The following IQGAP1 variants were observed in gnomAD, a reference collection of about 807,000 sequenced individuals.
The protein encoded by IQGAP1 is IQ motif containing GTPase activating protein 1, also known as ras GTPase-activating-like protein IQGAP1.
IQGAP1 carries 66 observed loss-of-function variants against 215.6 expected under a neutral mutation model. That is an observed-to-expected ratio of 0.31 (90% confidence interval 0.25 to 0.38). The LOEUF (loss-of-function observed/expected upper bound fraction) is 0.38, where lower values mean the gene tolerates loss of function less well. Among genes scored for constraint, IQGAP1 ranks in the 10% least tolerant of loss-of-function variants. The pLI is 1.00. For missense variants in IQGAP1, 1,712 were observed against 1,997.1 expected (o/e 0.86, Z 2.72); for synonymous variants, 772 against 728.7 (o/e 1.06, Z -0.96).
chr15:90,445,139 A>T (rs56337344), intron 9 of IQGAP1, among the ~76,000 whole-genome samples: 26,882 of 148,638 alleles, frequency 0.18, 2,451 homozygotes, highest in South Asian at 0.23. Context: ...TAATTAATTA[A>T]TTTTTTTTTT....
chr15:90,487,639 C>T (rs531260374), intron 33 of IQGAP1, 57 bp downstream of exon 33: 10 of 1,182,320 alleles, frequency 8.5e-6, no homozygotes, highest in Middle Eastern at 1.9e-4. Flanking sequence ...TCCCGATAGG[C>T]GCATGTCAGA....
chr15:90,423,402 T>C (rs968480565), intron 2 of IQGAP1, among the ~76,000 whole-genome samples: 1 of 152,102 alleles, frequency 6.6e-6, no homozygotes, highest in Admixed American at 6.5e-5. Flanking sequence ...CTGGCAAATT[T>C]TTGTATTTTT....
chr15:90,417,557 A>G (rs1242134227), intron 2 of IQGAP1, among the ~76,000 whole-genome samples: 1 of 152,058 alleles, frequency 6.6e-6, no homozygotes, highest in East Asian at 1.9e-4. Flanking sequence ...GTTCTGTTCC[A>G]TTGGTCTATA....
chr15:90,424,284 T>C (rs569486741), intron 2 of IQGAP1, among the ~76,000 whole-genome samples: 21 of 152,320 alleles, frequency 1.4e-4, no homozygotes, highest in Middle Eastern at 3.4e-3. Context: ...TTAGGCTGAA[T>C]AGAGGTATAG....
intron 15 of IQGAP1, among the ~76,000 whole-genome samples, chr15:90,457,095 C>T (rs1440461057): frequency 6.6e-6 from 1 of 151,658 alleles, no homozygotes; most frequent in African/African-American, 2.4e-5. Flanking sequence ...ATTGTAGAAC[C>T]CATTACCAGC....
intron 2 of IQGAP1, among the ~76,000 whole-genome samples, chr15:90,425,708 A>G (rs1965211844): frequency 6.6e-6 from 1 of 152,230 alleles, no homozygotes; most frequent in African/African-American, 2.4e-5. Context: ...CTGGAAGAGA[A>G]TGTCAGCAAC....
chr15:90,449,371 T>G (rs1965569471), intron 10 of IQGAP1, among the ~76,000 whole-genome samples, 188 bp from the exon 11 acceptor site: 1 of 152,204 alleles, frequency 6.6e-6, no homozygotes, highest in Non-Finnish European at 1.5e-5. Flanking sequence ...GTAAAGTCAC[T>G]CTACCCCAGC....
intron 26 of IQGAP1, among the ~76,000 whole-genome samples, chr15:90,479,849 C>T (rs1966032508): frequency 6.6e-6 from 1 of 151,980 alleles, no homozygotes; most frequent in South Asian, 2.1e-4. Flanking sequence ...ATTTTTTTGC[C>T]TGCATACCTG....
At chr15:90,429,371 T>C (rs1965271183) in intron 3 of IQGAP1, among the ~76,000 whole-genome samples, 1 of 152,194 alleles carries the variant, frequency 6.6e-6, no homozygotes, top group Admixed American at 6.5e-5. Flanking sequence ...CCACATGTTC[T>C]GTTGAGCACA....
rs1399048292 is a variant in IQGAP1 at position 90,477,963 on chromosome 15, A to G, written c.3329+74A>G. 5.5e-6 allele frequency: 5 copies of G among 906,952 alleles called. No individual in the cohort carries two copies. The Admixed American group carries it at 6.4e-5, about 12-fold the overall frequency. 56.2% of individuals were successfully genotyped at this position (906,952 alleles called of 1,614,324 possible). On this transcript the variant is annotated intron_variant, in intron 26 of 37. Transcript: ENST00000268182. ...CCTCTTTTTTCCCCTCTCTTTATTT[A>G]TAAACTAATATTAGTTCAAATAGTT...
At chr15:90,430,343 A>G (rs1307813900) in intron 4 of IQGAP1, among the ~76,000 whole-genome samples, 1 of 152,058 alleles carries the variant, frequency 6.6e-6, no homozygotes, top group Non-Finnish European at 1.5e-5. Context: ...TTTTCTGTTT[A>G]TATCCTTTGA....
rs1209415322 is a variant in IQGAP1, at chr15:90,423,077, G to C, written c.156-3033G>C. Among the ~76,000 whole-genome samples the C allele has an allele frequency of 2.7e-5, 4 of 146,970 alleles. No homozygotes were observed. In the Admixed American group the frequency reaches 3.0e-4, roughly 11 times the overall value. On this transcript the variant is annotated intron_variant, in intron 2 of 37. Coordinates refer to ENST00000268182, the MANE Select transcript of IQGAP1 (RefSeq NM_003870.4). ...TTGCTTCCTGGCTCTCAGGTTTTCT[G>C]ATTCTGTGATTTAGTAGAAGAAGGG...
intron 18 of IQGAP1, among the ~76,000 whole-genome samples, chr15:90,470,673 C>T (rs1965893083): frequency 6.6e-6 from 1 of 152,132 alleles, no homozygotes; most frequent in East Asian, 1.9e-4. Flanking sequence ...AATTCACTCT[C>T]TGTTACCATC....
intron 3 of IQGAP1, among the ~76,000 whole-genome samples, chr15:90,428,153 C>T (rs974479769): frequency 2.0e-5 from 3 of 151,992 alleles, no homozygotes; most frequent in Non-Finnish European, 4.4e-5. Flanking sequence ...CTCACTGCAG[C>T]CCTGACCTCC....
intron 2 of IQGAP1, among the ~76,000 whole-genome samples, chr15:90,397,502 TCAA>T (rs1964738924): frequency 6.8e-6 from 1 of 146,440 alleles, no homozygotes; most frequent in South Asian, 2.2e-4. Flanking sequence ...CAGTAGGCAC[TCAA>T]CAAACTTTTT....
chr15:90,406,340 T>C (rs1240956491), intron 2 of IQGAP1, among the ~76,000 whole-genome samples: 1 of 152,238 alleles, frequency 6.6e-6, no homozygotes, highest in East Asian at 1.9e-4. Context: ...CAATTTTTTG[T>C]ATTTTTAGTA....
At chr15:90,444,175 C>G (rs1171792124) in intron 9 of IQGAP1, among the ~76,000 whole-genome samples, 1 of 151,650 alleles carries the variant, frequency 6.6e-6, no homozygotes, top group Non-Finnish European at 1.5e-5. Flanking sequence ...AAATTAGACT[C>G]CTTCACTTAG....
chr15:90,449,712 C>A, intron 11 of IQGAP1, 69 bp downstream of exon 11: 1 of 1,296,462 alleles, frequency 7.7e-7, no homozygotes, highest in South Asian at 1.3e-5. Context: ...CTGAGGTTAG[C>A]TTCTGTCATC....
chr15:90,486,924 C>G, intron 31 of IQGAP1, 30 bp from the exon 32 acceptor site: 1 of 1,608,872 alleles, frequency 6.2e-7, no homozygotes, highest in Middle Eastern at 1.7e-4. Context: ...CTTTATTACG[C>G]TGACTCTTTC....
Sources: allele counts gnomAD v4.1 joint callset (sites outside exome capture counted in the v4.1 genomes callset), GRCh38; gene constraint gnomAD v4.1.1; transcripts MANE v1.5; gene names NCBI Gene and HGNC (gene_info 2026-07-23, HGNC 2026-07-21).